Variants in MACROD2 observed in about 807,000 individuals in gnomAD.
MACROD2 encodes ADP-ribose glycohydrolase MACROD2.
Under a neutral mutation model 70.4 loss-of-function variants are expected in MACROD2, and 36 were observed. That is an observed-to-expected ratio of 0.51 (90% CI 0.39 to 0.68). MACROD2 has a LOEUF of 0.68. Among genes scored for constraint, MACROD2 ranks in the 30% least tolerant of loss-of-function variants. The pLI is 0.00. For missense variants in MACROD2, 496 were observed against 538.4 expected (o/e 0.92, Z 0.78); for synonymous variants, 172 against 178.8 (o/e 0.96, Z 0.30).
intron 3 of MACROD2, among the ~76,000 whole-genome samples, chr20:14,160,630 C>T (rs1399185776): frequency 6.6e-6 from 1 of 151,884 alleles, no homozygotes; most frequent in Admixed American, 6.6e-5. Flanking sequence ...GTTAGTATAG[C>T]AAGTAGCTTA....
chr20:14,339,504 A>G (rs899516382), intron 3 of MACROD2, among the ~76,000 whole-genome samples: 3 of 152,230 alleles, frequency 2.0e-5, no homozygotes, highest in Non-Finnish European at 4.4e-5. Flanking sequence ...TGCCTGGTCA[A>G]ATTCCTGTGG....
intron 8 of MACROD2, among the ~76,000 whole-genome samples, chr20:15,639,715 C>T (rs536653965): frequency 6.6e-6 from 1 of 152,310 alleles, no homozygotes; most frequent in East Asian, 1.9e-4. Context: ...GATGTCCTTC[C>T]TGGCCTTCAG....
At chr20:15,034,540 A>C (rs1016498) in intron 5 of MACROD2, among the ~76,000 whole-genome samples, 68,017 of 151,982 alleles carry the variant, frequency 0.45, 16,119 homozygotes, top group African/African-American at 0.61. Context: ...GATTTATAAT[A>C]GAAAGTACAA....
chr20:14,374,078 G>A (rs1018535096), intron 3 of MACROD2, among the ~76,000 whole-genome samples: 1 of 152,002 alleles, frequency 6.6e-6, no homozygotes, highest in Admixed American at 6.6e-5. Flanking sequence ...CCTGAAAATA[G>A]TGTATATTAT....
intron 5 of MACROD2, among the ~76,000 whole-genome samples, chr20:14,930,763 T>C (rs1310468509): frequency 3.6e-5 from 3 of 83,096 alleles, no homozygotes; most frequent in African/African-American, 1.4e-4. Context: ...GGAGAGCGTG[T>C]CTTAAAAAAA....
intron 8 of MACROD2, among the ~76,000 whole-genome samples, chr20:15,804,839 A>G (rs2063754882): frequency 6.6e-6 from 1 of 152,218 alleles, no homozygotes; most frequent in Admixed American, 6.5e-5. Context: ...AAGAAAAGCC[A>G]GGAATTTAAT....
In MACROD2 at chr20:15,308,595, A is replaced by G. The variant is rs536435835; in HGVS notation, c.540+78534A>G. Among the ~76,000 whole-genome samples the G allele has an allele frequency of 1.2e-4, 18 of 152,352 alleles. No individual in the cohort carries two copies. The South Asian group carries it at 2.3e-3, about 19-fold the overall frequency. On this transcript the variant is annotated intron_variant, in intron 6 of 17. Coordinates refer to ENST00000684519, the MANE Select transcript of MACROD2 (RefSeq NM_001351661.2). Reference sequence around the variant, plus strand: ...ATGAAGGTCATTCACATTGGAATTTACACTCTTTTAATGGCTTATGTATAG... The same window carrying G: ...ATGAAGGTCATTCACATTGGAATTTGCACTCTTTTAATGGCTTATGTATAG...
chr20:15,093,506 G>A (rs1258369274), intron 5 of MACROD2, among the ~76,000 whole-genome samples: 2 of 152,084 alleles, frequency 1.3e-5, no homozygotes, highest in Non-Finnish European at 2.9e-5. Context: ...CTACTCATAG[G>A]TAAAGCTTGG....
At chr20:14,133,703 G>C (rs2054750639) in intron 3 of MACROD2, among the ~76,000 whole-genome samples, 1 of 152,122 alleles carries the variant, frequency 6.6e-6, no homozygotes, top group South Asian at 2.1e-4. Flanking sequence ...TAACATTTTT[G>C]GCATGGTTTA....
At chr20:14,679,158 A>G (rs989768215) in intron 4 of MACROD2, among the ~76,000 whole-genome samples, 13 of 152,342 alleles carry the variant, frequency 8.5e-5, no homozygotes, top group Admixed American at 7.8e-4. Context: ...AATAGCTATA[A>G]AACAGTTTAT....
intron 7 of MACROD2, among the ~76,000 whole-genome samples, chr20:15,471,033 T>A (rs1362072654): frequency 2.0e-5 from 3 of 152,190 alleles, no homozygotes; most frequent in Non-Finnish European, 4.4e-5. Flanking sequence ...CTATGGTTGA[T>A]TATATCAACA....
intron 5 of MACROD2, among the ~76,000 whole-genome samples, chr20:14,868,333 G>A (rs747855773): frequency 6.6e-6 from 1 of 151,756 alleles, no homozygotes; most frequent in Non-Finnish European, 1.5e-5. Flanking sequence ...GACTGCAGGT[G>A]TGTGCCACCA....
At chr20:15,088,564 CTG>C (rs937852351) in intron 5 of MACROD2, among the ~76,000 whole-genome samples, 6 of 150,272 alleles carry the variant, frequency 4.0e-5, no homozygotes, top group African/African-American at 1.2e-4. Context: ...ATAGATGTAT[CTG>C]TGAATCGATG....
chr20:14,368,318 C>T (rs111773759), intron 3 of MACROD2, among the ~76,000 whole-genome samples: 3,278 of 152,152 alleles, frequency 0.022, 118 homozygotes, highest in African/African-American at 0.076. Context: ...TTTGGGAGGC[C>T]GAGGTGGGCG....
At chr20:15,624,889 G>A (rs930254951) in intron 8 of MACROD2, among the ~76,000 whole-genome samples, 2 of 152,014 alleles carry the variant, frequency 1.3e-5, no homozygotes, top group African/African-American at 4.8e-5. Context: ...GAGCCCAGGA[G>A]CCTACACACC....
chr20:15,031,546 A>G (rs2075274348), intron 5 of MACROD2, among the ~76,000 whole-genome samples: 1 of 152,136 alleles, frequency 6.6e-6, no homozygotes, highest in Non-Finnish European at 1.5e-5. Flanking sequence ...CGTCCTGATA[A>G]GCGGCTAGCG....
chr20:15,574,578 G>A (rs1028156140), intron 8 of MACROD2, among the ~76,000 whole-genome samples: 2 of 152,050 alleles, frequency 1.3e-5, no homozygotes, highest in Admixed American at 6.6e-5. Context: ...TTTAGCTCTC[G>A]CAATTGGGAA....
chr20:15,592,075 A>C (rs777169855), intron 8 of MACROD2, among the ~76,000 whole-genome samples: 4 of 152,166 alleles, frequency 2.6e-5, no homozygotes, highest in Non-Finnish European at 5.9e-5. Context: ...CTGACTTCTG[A>C]GGTTTAAAAC....
At chr20:16,036,168 C>A (rs900686010) in intron 15 of MACROD2, among the ~76,000 whole-genome samples, 1 of 151,928 alleles carries the variant, frequency 6.6e-6, no homozygotes, top group African/African-American at 2.4e-5. Flanking sequence ...GAGCTCTGTA[C>A]CTATCATGTC....
Sources: allele counts gnomAD v4.1 joint callset (sites outside exome capture counted in the v4.1 genomes callset), GRCh38; gene constraint gnomAD v4.1.1; transcripts MANE v1.5; gene names NCBI Gene and HGNC (gene_info 2026-07-23, HGNC 2026-07-21).